Variants in TMEM225B observed in about 807,000 individuals in gnomAD.
TMEM225B encodes transmembrane protein 225-like.
A neutral mutation model predicts 16.9 loss-of-function variants in TMEM225B; 10 were observed. The observed-to-expected ratio is 0.59, with a 90% CI of 0.36 to 1.00. The LOEUF is 1.00. Ranked by LOEUF, TMEM225B falls within the 50% of genes least tolerant of loss-of-function variation. The pLI is 0.01. For missense variants in TMEM225B, 217 were observed against 267.0 expected (o/e 0.81, Z 1.30); for synonymous variants, 92 against 109.8 (o/e 0.84, Z 1.01).
intron 5 of TMEM225B, among the ~76,000 whole-genome samples, chr7:99,609,766 GCT>G (rs1238904804): frequency 6.6e-6 from 1 of 151,972 alleles, no homozygotes; most frequent in African/African-American, 2.4e-5. Context: ...ACAAGGTCTT[GCT>G]CTGTCGCCCA....
At chr7:99,602,547 T>C (rs1302558500) in intron 2 of TMEM225B, among the ~76,000 whole-genome samples, 2 of 152,128 alleles carry the variant, frequency 1.3e-5, no homozygotes, top group African/African-American at 4.8e-5. Flanking sequence ...TCCTTATCCT[T>C]AGGCAGGTGT....
chr7:99,607,679 G>T lies in TMEM225B; in HGVS notation c.362G>T (p.Cys121Phe), dbSNP rs762440884. The change falls in exon 5 of 6, where the codon TGT (cysteine) becomes TTT (phenylalanine). Residue 121 changes from cysteine (C) to phenylalanine (F), a missense_variant. Transcript: ENST00000431679. The stretch of plus-strand genomic sequence containing the variant: ...TCTCCCTGTGACCCTCCAGGGGCCT[G>T]TGCCTTCCTGGCTTTGGTGCTGCAT... ...LACISFFTGA[C>F]AFLALVLHAL... 1.3e-6 allele frequency: 2 copies of T among 1,535,790 alleles called. No individual in the cohort carries two copies. The highest frequency in any genetic ancestry group is 2.4e-5 in the South Asian group (2 of 84,038).
chr7:99,603,680 C>T (rs554478722), intron 2 of TMEM225B, among the ~76,000 whole-genome samples: 5 of 146,448 alleles, frequency 3.4e-5, no homozygotes, highest in South Asian at 2.1e-4. Context: ...CTGACAACAG[C>T]GAGACTCCAT....
chr7:99,608,858 T>TATATATATATATACACACAC lies in TMEM225B; in HGVS notation c.493+1049_493+1050insTATATATATATACACACACA, dbSNP rs536627768. On this transcript the variant is annotated intron_variant, in intron 5 of 5. Coordinates refer to ENST00000431679, the MANE Select transcript of TMEM225B (RefSeq NM_001195541.3). ...GTGCACGTATATATATATATATATA[T>TATATATATATATACACACAC]ACACACACACATATATGTGTATATA... Among the ~76,000 whole-genome samples the TATATATATATATACACACAC allele has an allele frequency of 1.3e-4, 19 of 144,436 alleles. 1 individual carries two copies. The highest frequency in any genetic ancestry group is 5.3e-4 in the African/African-American group (19 of 35,662). 94.8% of individuals were successfully genotyped at this position (144,436 alleles called of 152,430 possible). A position where few individuals can be genotyped will look rare whatever the true frequency, so the allele number is the denominator to read the frequency against.
chr7:99,609,529 C>T (rs1343693325), intron 5 of TMEM225B, among the ~76,000 whole-genome samples: 1 of 151,918 alleles, frequency 6.6e-6, no homozygotes, highest in African/African-American at 2.4e-5. Context: ...ACCTCCGTCT[C>T]CTGGGTTCAA....
chr7:99,610,400 C>G lies in TMEM225B; in HGVS notation c.501C>G (p.Ile167Met). 2 of 1,535,412 alleles carry G rather than the reference C, an allele frequency of 1.3e-6. No individual in the cohort carries two copies. Among genetic ancestry groups the G allele is most frequent in the Non-Finnish European group, 1.7e-6 (2 of 1,146,850 alleles). Reference sequence around the variant, plus strand: ...ACGTTGGCTGTTCCCTAGGTACCATCTGCCTCATTCAAGAAATGGTTTGCC... The same window carrying G: ...ACGTTGGCTGTTCCCTAGGTACCATGTGCCTCATTCAAGAAATGGTTTGCC... ...GIFLFIVAGT[I>M]CLIQEMVCPC... The change falls in exon 6 of 6, where the codon ATC becomes ATG. Residue 167 changes from isoleucine (I) to methionine (M), a missense_variant. Coordinates refer to ENST00000431679, the MANE Select transcript of TMEM225B (RefSeq NM_001195541.3).
chr7:99,600,950 G>C (rs78680379), intron 2 of TMEM225B, among the ~76,000 whole-genome samples: 1 of 152,088 alleles, frequency 6.6e-6, no homozygotes, highest in Non-Finnish European at 1.5e-5. Flanking sequence ...GTTGGGGAGA[G>C]GGAAGAACCA....
chr7:99,600,774 CA>C (rs1371617561), intron 2 of TMEM225B, among the ~76,000 whole-genome samples: 1 of 152,098 alleles, frequency 6.6e-6, no homozygotes, highest in Non-Finnish European at 1.5e-5. Flanking sequence ...GGGACACAGC[CA>C]AACCAAATCA....
intron 2 of TMEM225B, among the ~76,000 whole-genome samples, chr7:99,601,283 G>A (rs1238604887): frequency 6.6e-6 from 1 of 152,152 alleles, no homozygotes; most frequent in African/African-American, 2.4e-5. Flanking sequence ...GATGGGAGAT[G>A]GAAAGGGGAC....
At chr7:99,603,838 T>C (rs536663690) in intron 2 of TMEM225B, among the ~76,000 whole-genome samples, 1 of 151,968 alleles carries the variant, frequency 6.6e-6, no homozygotes, top group East Asian at 1.9e-4. Flanking sequence ...CATGGTTCAC[T>C]GCAGCCTTGA....
intron 1 of TMEM225B, among the ~76,000 whole-genome samples, chr7:99,599,509 A>G (rs1562949979): frequency 6.6e-6 from 1 of 152,156 alleles, no homozygotes; most frequent in Non-Finnish European, 1.5e-5. Context: ...GCATGAATGC[A>G]CCACTGCACT....
upstream of TMEM225B, chr7:99,598,060 C>T (rs1227543803): frequency 1.3e-5 from 2 of 152,238 alleles, no homozygotes; most frequent in African/African-American, 2.4e-5. Flanking sequence ...CCCCACACAC[C>T]CGTGAGCGAA....
rs1327726871 is a variant in TMEM225B, at chr7:99,607,811, G to A, written c.493+1G>A. ...GGCATCTTTCTGTTCATAGTGGCTG[G>A]TGAGTGTCCAGGGAACAGTGCCCTG... On this transcript the variant is annotated splice_donor_variant, in intron 5 of 5. Coordinates refer to ENST00000431679, the MANE Select transcript of TMEM225B (RefSeq NM_001195541.3). LOFTEE classifies it high-confidence loss of function. The A allele has an allele frequency of 1.3e-6, 2 of 1,535,804 alleles. No homozygotes were observed. The highest frequency in any genetic ancestry group is 1.7e-6 in the Non-Finnish European group (2 of 1,146,776).
chr7:99,610,287 G>C (rs866271626), intron 5 of TMEM225B, 106 bp from the exon 6 acceptor site: 1 of 729,046 alleles, frequency 1.4e-6, no homozygotes, highest in South Asian at 1.8e-5. Flanking sequence ...CTCTAGATTG[G>C]GGGGCAGAAT....
chr7:99,605,837 G>A lies in TMEM225B; in HGVS notation c.209-911G>A, dbSNP rs143797061. On this transcript the variant is annotated intron_variant, in intron 3 of 5. Coordinates refer to ENST00000431679, the MANE Select transcript of TMEM225B (RefSeq NM_001195541.3). ...TCCTGGCCTCAGGCAATCCTCCCACGTCAGCCTCCCAAAGTGTTGAGATTA... is the reference window on the plus strand; with the variant it reads ...TCCTGGCCTCAGGCAATCCTCCCACATCAGCCTCCCAAAGTGTTGAGATTA... Among the ~76,000 whole-genome samples the A allele has an allele frequency of 2.6e-3, 389 of 152,206 alleles. 2 individuals carry two copies. The highest frequency in any genetic ancestry group is 7.2e-3 in the African/African-American group (297 of 41,532).
chr7:99,610,123 C>T (rs938265538), intron 5 of TMEM225B, among the ~76,000 whole-genome samples: 1 of 152,032 alleles, frequency 6.6e-6, no homozygotes, highest in Non-Finnish European at 1.5e-5. Flanking sequence ...TTGGAACTTC[C>T]TTTCTCTAAA....
At chr7:99,608,688 T>A in intron 5 of TMEM225B, among the ~76,000 whole-genome samples, 1 of 147,882 alleles carries the variant, frequency 6.8e-6, no homozygotes, top group African/African-American at 2.5e-5. Context: ...TACAGGCATG[T>A]GCCACCATGG....
chr7:99,599,974 C>T (rs939949684), intron 1 of TMEM225B, among the ~76,000 whole-genome samples: 7 of 152,184 alleles, frequency 4.6e-5, no homozygotes, highest in African/African-American at 1.4e-4. Flanking sequence ...GTTGTGTATC[C>T]GAAGATGTAA....
chr7:99,606,919 G>A (rs1805865716), intron 4 of TMEM225B, 25 bp downstream of exon 4: 1 of 1,535,614 alleles, frequency 6.5e-7, no homozygotes, highest in African/African-American at 1.4e-5. Flanking sequence ...GGTGATCCCT[G>A]ACCTTCGCTA....
Sources: allele counts gnomAD v4.1 joint callset (sites outside exome capture counted in the v4.1 genomes callset), GRCh38; gene constraint gnomAD v4.1.1; transcripts MANE v1.5; gene names NCBI Gene and HGNC (gene_info 2026-07-23, HGNC 2026-07-21).